KLF13: variants seen among roughly 807,000 people sequenced by gnomAD.
KLF13 encodes the protein KLF transcription factor 13, also known as Krueppel-like factor 13.
A neutral mutation model predicts 16.7 loss-of-function variants in KLF13; 8 were observed. The ratio of observed to expected loss-of-function variants is 0.48; its 90% CI spans 0.28 to 0.87. The LOEUF (loss-of-function observed/expected upper bound fraction) is 0.87, where lower values mean the gene tolerates loss of function less well. KLF13 is among the 40% of genes least tolerant of loss of function. The pLI is 0.10. For missense variants in KLF13, 447 were observed against 452.2 expected, an observed-to-expected ratio of 0.99 and a Z score of 0.10; for synonymous variants, 245 against 208.4, an observed-to-expected ratio of 1.18 and a Z score of -1.51.
At chr15:31,359,144 G>A (rs958795585) in intron 1 of KLF13, among the ~76,000 whole-genome samples, 1 of 152,224 alleles carries the variant, frequency 6.6e-6, no homozygotes, top group African/African-American at 2.4e-5. Context: ...TCTGTGGCAA[G>A]GGGCCGATAT....
chr15:31,406,934 T>C (rs571893674), downstream of KLF13, among the ~76,000 whole-genome samples: 1 of 152,302 alleles, frequency 6.6e-6, no homozygotes, highest in African/African-American at 2.4e-5. Context: ...TGTGATTACA[T>C]TGGGCTCCCT....
intron 1 of KLF13, among the ~76,000 whole-genome samples, chr15:31,417,620 C>T (rs1479541707): frequency 6.6e-6 from 1 of 151,924 alleles, no homozygotes; most frequent in Non-Finnish European, 1.5e-5. Flanking sequence ...CGGCTCACTG[C>T]AACCTCCATC....
chr15:31,356,785 C>T (rs1303298012), intron 1 of KLF13, among the ~76,000 whole-genome samples: 1 of 152,188 alleles, frequency 6.6e-6, no homozygotes, highest in Non-Finnish European at 1.5e-5. Context: ...TGGCTGTGTG[C>T]ACCTCCCGGT....
chr15:31,340,218 A>G (rs1307551143), intron 1 of KLF13, among the ~76,000 whole-genome samples: 2 of 152,232 alleles, frequency 1.3e-5, no homozygotes, highest in Non-Finnish European at 2.9e-5. Flanking sequence ...CACTGCCCTC[A>G]TGGCCAACCT....
In KLF13 at chr15:31,373,743, A is replaced by T. The variant is rs1429204022; in HGVS notation, c.*1444A>T. 1 of 152,298 alleles carries T rather than the reference A, an allele frequency of 6.6e-6. No homozygotes were observed. The highest frequency in any genetic ancestry group is 1.5e-5 in the Non-Finnish European group (1 of 68,090). The allele number at this position is 152,298 out of a possible 1,614,324, so 9.4% of individuals were successfully genotyped here. Reference sequence around the variant, plus strand: ...GCCGTGGTCCAGCAAACTCCTCTGCAGATGGCTGGAGTGTTGACCCAGGCT... The same window carrying T: ...GCCGTGGTCCAGCAAACTCCTCTGCTGATGGCTGGAGTGTTGACCCAGGCT... On this transcript the variant is annotated 3_prime_UTR_variant, in exon 2 of 2. Coordinates refer to ENST00000307145, the MANE Select transcript of KLF13 (RefSeq NM_015995.4).
At chr15:31,378,521 C>T (rs922939818), downstream of KLF13, among the ~76,000 whole-genome samples, 2 of 152,150 alleles carry the variant, frequency 1.3e-5, no homozygotes, top group African/African-American at 2.4e-5. Context: ...ATGTCCTCAT[C>T]GGAGGCAGTG....
Position 31,417,368 on chromosome 15 carries a change from G to A in KLF13, n.118-18002G>A, listed in dbSNP as rs147217129. On this transcript the variant is annotated intron_variant and non_coding_transcript_variant, in intron 1 of 1. Coordinates refer to the KLF13 transcript ENST00000558225. The stretch of plus-strand genomic sequence containing the variant: ...AAATTAGCCAGGCATCATGGTGTGC[G>A]CCTGTAATCCCAGCTACTCAGAAGG... Among the ~76,000 whole-genome samples, 640 of 151,642 alleles carry A rather than the reference G, an allele frequency of 4.2e-3. 1 individual carries two copies. The highest frequency in any genetic ancestry group is 0.015 in the African/African-American group (611 of 41,386).
chr15:31,410,277 T>A (rs1269662670), intron 1 of KLF13, among the ~76,000 whole-genome samples: 1 of 151,414 alleles, frequency 6.6e-6, no homozygotes, highest in Non-Finnish European at 1.5e-5. Flanking sequence ...GGGATCAAAT[T>A]GAACAATAAA....
rs2039575609 is a variant in KLF13 at position 31,372,751 on chromosome 15, G to A, written c.*452G>A. The A allele has an allele frequency of 6.3e-6, 1 of 157,842 alleles. No homozygotes were observed. Among genetic ancestry groups the A allele is most frequent in the East Asian group, 1.9e-4 (1 of 5,348 alleles). 9.8% of individuals were successfully genotyped at this position (157,842 alleles called of 1,614,324 possible). ...GGAGCAGATGTGCTCACTGACGTTTGTGCCTCCAGGGCAGATTCCTAAGCA... is the reference window on the plus strand; with the variant it reads ...GGAGCAGATGTGCTCACTGACGTTTATGCCTCCAGGGCAGATTCCTAAGCA... On this transcript the variant is annotated 3_prime_UTR_variant, in exon 2 of 2. Coordinates refer to ENST00000307145, the MANE Select transcript of KLF13 (RefSeq NM_015995.4).
At chr15:31,405,690 C>T (rs923465579), downstream of KLF13, among the ~76,000 whole-genome samples, 3 of 152,170 alleles carry the variant, frequency 2.0e-5, no homozygotes, top group African/African-American at 7.2e-5. Flanking sequence ...GTGTGACTCA[C>T]CCGACTAAGC....
downstream of KLF13, among the ~76,000 whole-genome samples, chr15:31,381,490 G>A (rs889507890): frequency 2.0e-5 from 3 of 152,118 alleles, no homozygotes; most frequent in African/African-American, 4.8e-5. Context: ...TACCCTGTGC[G>A]GCTGAGATGT....
chr15:31,409,310 C>A (rs2140999889), downstream of KLF13, among the ~76,000 whole-genome samples: 1 of 151,942 alleles, frequency 6.6e-6, no homozygotes. Flanking sequence ...AACAAACAAA[C>A]AAAACAAACC....
exon 2 of KLF13, chr15:31,435,407 G>A (rs371574637): frequency 1.3e-5 from 2 of 152,306 alleles, no homozygotes; most frequent in Admixed American, 6.5e-5. Flanking sequence ...AAGGTGATCC[G>A]GGAGGCTGGA....
At chr15:31,363,488 AGATT>A (rs1047597350) in intron 1 of KLF13, among the ~76,000 whole-genome samples, 64 of 152,270 alleles carry the variant, frequency 4.2e-4, no homozygotes, top group African/African-American at 1.4e-3. Context: ...GCAGTCAAAT[AGATT>A]GATTGATTGA....
At chr15:31,346,841 C>T (rs758630621) in intron 1 of KLF13, among the ~76,000 whole-genome samples, 2 of 152,214 alleles carry the variant, frequency 1.3e-5, no homozygotes, top group Non-Finnish European at 2.9e-5. Flanking sequence ...CTGCCTGCCA[C>T]CACTCTGCAC....
chr15:31,396,461 G>A (rs1735397643), intron 2 of KLF13, among the ~76,000 whole-genome samples: 1 of 152,148 alleles, frequency 6.6e-6, no homozygotes, highest in African/African-American at 2.4e-5. Context: ...CCGGCCTAGG[G>A]TTTTTAAGGA....
intron 2 of KLF13, among the ~76,000 whole-genome samples, chr15:31,398,472 G>A (rs1472701068): frequency 2.0e-5 from 3 of 152,172 alleles, no homozygotes; most frequent in South Asian, 2.1e-4. Flanking sequence ...GGCCAACCCC[G>A]CAGCCTACAC....
chr15:31,332,735 T>G (rs2038854674), intron 1 of KLF13, among the ~76,000 whole-genome samples: 2 of 152,200 alleles, frequency 1.3e-5, no homozygotes, highest in Non-Finnish European at 2.9e-5. Flanking sequence ...AGCTTTAATC[T>G]GATTGGTTAC....
At chr15:31,350,153 A>G (rs1402804092) in intron 1 of KLF13, among the ~76,000 whole-genome samples, 1 of 152,252 alleles carries the variant, frequency 6.6e-6, no homozygotes, top group Admixed American at 6.5e-5. Flanking sequence ...TTTTAAGCCA[A>G]TATGCCCATT....
Sources: allele counts gnomAD v4.1 joint callset (sites outside exome capture counted in the v4.1 genomes callset), GRCh38; gene constraint gnomAD v4.1.1; transcripts MANE v1.5; gene names NCBI Gene and HGNC (gene_info 2026-07-23, HGNC 2026-07-21).